Variants in ROBO1 observed in about 807,000 individuals in gnomAD.
The protein encoded by ROBO1 is roundabout homolog 1.
A neutral mutation model predicts 195.9 loss-of-function variants in ROBO1; 149 were observed. The ratio of observed to expected loss-of-function variants is 0.76; its 90% confidence interval spans 0.67 to 0.87. The LOEUF is 0.87. Ranked by LOEUF, ROBO1 falls within the 40% of genes least tolerant of loss-of-function variation. The pLI is 0.00. For missense variants in ROBO1, 1,933 were observed against 2,068.3 expected, an observed-to-expected ratio of 0.93 and a Z score of 1.27; for synonymous variants, 816 against 733.2, an observed-to-expected ratio of 1.11 and a Z score of -1.82.
chr3:78,800,453 C>T (rs529995562), intron 4 of ROBO1, among the ~76,000 whole-genome samples: 1 of 152,280 alleles, frequency 6.6e-6, no homozygotes, highest in South Asian at 2.1e-4. Context: ...AATCTCCCTG[C>T]CCTCACTGTC....
At chr3:78,978,590 G>C (rs2076930296) in intron 3 of ROBO1, among the ~76,000 whole-genome samples, 1 of 151,986 alleles carries the variant, frequency 6.6e-6, no homozygotes, top group East Asian at 1.9e-4. Context: ...AAGAGGTGAA[G>C]GACTTTCCCT....
intron 3 of ROBO1, among the ~76,000 whole-genome samples, chr3:79,043,304 C>A (rs1348456520): frequency 6.6e-6 from 1 of 152,088 alleles, no homozygotes; most frequent in Non-Finnish European, 1.5e-5. Flanking sequence ...CTCAAGTGGT[C>A]TGAAGTTTTA....
intron 2 of ROBO1, among the ~76,000 whole-genome samples, chr3:79,197,943 T>G (rs2081673490): frequency 6.6e-6 from 1 of 152,028 alleles, no homozygotes; most frequent in South Asian, 2.1e-4. Context: ...ATTAGCCCTT[T>G]GTCAGATGGG....
At chr3:79,591,852 CCTAAGGAGTTT>C (rs1446390571) in intron 1 of ROBO1, among the ~76,000 whole-genome samples, 11 of 151,478 alleles carry the variant, frequency 7.3e-5, no homozygotes, top group Non-Finnish European at 1.0e-4. Flanking sequence ...TTTCTGCTTG[CCTAAGGAGTTT>C]CTCAGATTCC....
intron 2 of ROBO1, among the ~76,000 whole-genome samples, chr3:79,338,439 A>C (rs1259968990): frequency 2.6e-5 from 4 of 152,106 alleles, no homozygotes; most frequent in Non-Finnish European, 5.9e-5. Flanking sequence ...CCCATTTCTA[A>C]CCTATTTTGT....
chr3:79,560,529 T>G lies in ROBO1; in HGVS notation c.88+29295A>C, dbSNP rs1576026037. ...TACCCTAAAACTTAAAGTATAATAATAATAATTATATATATATATATATAT... is the reference window on the plus strand; with the variant it reads ...TACCCTAAAACTTAAAGTATAATAAGAATAATTATATATATATATATATAT... On this transcript the variant is annotated intron_variant, in intron 2 of 30. Transcript: ENST00000464233. Among the ~76,000 whole-genome samples the G allele has an allele frequency of 6.2e-5, 6 of 96,006 alleles. No homozygotes were observed. In the South Asian group the frequency reaches 1.8e-3, roughly 30 times the overall value. The allele number at this position is 96,006 out of a possible 152,430, so 63.0% of individuals were successfully genotyped here.
intron 10 of ROBO1, among the ~76,000 whole-genome samples, chr3:78,678,902 T>C (rs546509853): frequency 2.1e-4 from 32 of 152,130 alleles, no homozygotes; most frequent in African/African-American, 7.5e-4. Flanking sequence ...ATATCCTTGA[T>C]GAACATTGAT....
intron 2 of ROBO1, among the ~76,000 whole-genome samples, chr3:79,532,713 GCAAA>G (rs1941708342): frequency 6.6e-6 from 1 of 152,088 alleles, no homozygotes; most frequent in South Asian, 2.1e-4. Context: ...TTGTCAAAAA[GCAAA>G]CAAACAAACT....
chr3:79,535,882 G>GT (rs921592871), intron 2 of ROBO1, among the ~76,000 whole-genome samples: 535 of 150,922 alleles, frequency 3.5e-3, no homozygotes, highest in Middle Eastern at 0.014. Flanking sequence ...TCTTCAAGAG[G>GT]TTTTTTTTTG....
chr3:78,819,656 T>C (rs940358655), intron 4 of ROBO1, among the ~76,000 whole-genome samples: 1 of 152,180 alleles, frequency 6.6e-6, no homozygotes, highest in Non-Finnish European at 1.5e-5. Flanking sequence ...TCTGTTTGTC[T>C]ATCCCTACTC....
chr3:79,498,282 A>T (rs1016678352), intron 2 of ROBO1, among the ~76,000 whole-genome samples: 4 of 152,128 alleles, frequency 2.6e-5, no homozygotes, highest in African/African-American at 9.7e-5. Flanking sequence ...CGATTTTCCT[A>T]ATTTATACCG....
At chr3:79,571,777 C>A (rs1943286369) in intron 2 of ROBO1, among the ~76,000 whole-genome samples, 1 of 152,002 alleles carries the variant, frequency 6.6e-6, no homozygotes, top group East Asian at 1.9e-4. Flanking sequence ...GTTATCAACA[C>A]CCAGAGGAAG....
intron 1 of ROBO1, among the ~76,000 whole-genome samples, chr3:79,619,064 C>T (rs1221504212): frequency 6.6e-6 from 1 of 151,916 alleles, no homozygotes. Context: ...GACACCTGCC[C>T]TCATCATTCA....
At chr3:79,646,326 C>G (rs927003095) in intron 1 of ROBO1, among the ~76,000 whole-genome samples, 28 of 152,146 alleles carry the variant, frequency 1.8e-4, no homozygotes, top group South Asian at 4.2e-4. Context: ...AATAACTAAA[C>G]GTCAGAGAAA....
At chr3:78,777,970 T>A (rs1449218281) in intron 4 of ROBO1, among the ~76,000 whole-genome samples, 1 of 152,204 alleles carries the variant, frequency 6.6e-6, no homozygotes, top group African/African-American at 2.4e-5. Context: ...TGGCTGTGAG[T>A]TTGTCATAAA....
intron 2 of ROBO1, among the ~76,000 whole-genome samples, chr3:79,340,501 GGCTGCAGGTTGTTCTAA>G (rs2034866979): frequency 6.6e-6 from 1 of 152,060 alleles, no homozygotes; most frequent in Non-Finnish European, 1.5e-5. Flanking sequence ...TGTGATGGTG[GGCTGCAGGTTGTTCTAA>G]GTCTGCCAGA....
chr3:79,655,401 A>C (rs1946129783), intron 1 of ROBO1, among the ~76,000 whole-genome samples: 1 of 152,192 alleles, frequency 6.6e-6, no homozygotes, highest in South Asian at 2.1e-4. Context: ...TACAGAAACT[A>C]GAAATCTATC....
At chr3:79,489,406 A>G (rs2107439253) in intron 2 of ROBO1, among the ~76,000 whole-genome samples, 1 of 152,264 alleles carries the variant, frequency 6.6e-6, no homozygotes, top group South Asian at 2.1e-4. Flanking sequence ...CTGTAATCTC[A>G]GCACTTTGGG....
intron 2 of ROBO1, among the ~76,000 whole-genome samples, chr3:79,272,413 A>G (rs978359772): frequency 4.6e-5 from 7 of 152,054 alleles, no homozygotes; most frequent in African/African-American, 1.7e-4. Context: ...CACATTGAAC[A>G]ACTATCCACA....
Sources: allele counts gnomAD v4.1 joint callset (sites outside exome capture counted in the v4.1 genomes callset), GRCh38; gene constraint gnomAD v4.1.1; transcripts MANE v1.5; gene names NCBI Gene and HGNC (gene_info 2026-07-23, HGNC 2026-07-21).